The following CDH13 variants were observed in gnomAD, a reference collection of about 807,000 sequenced individuals.
CDH13 encodes the protein cadherin-13.
In CDH13, 24 loss-of-function variants were observed where a neutral mutation model predicts 63.8. The observed-to-expected ratio is 0.38, with a 90% CI of 0.27 to 0.53. CDH13 has a LOEUF of 0.53. Among genes scored for constraint, CDH13 ranks in the 20% least tolerant of loss-of-function variants. The pLI, the probability that CDH13 is intolerant of heterozygous loss-of-function variation, is 0.85. For synonymous variants in CDH13, 503 were observed against 355.3 expected (o/e 1.42, Z -4.67); for missense variants, 1,049 against 903.1 (o/e 1.16, Z -2.07).
chr16:83,130,928 C>T (rs2036015474), intron 4 of CDH13, among the ~76,000 whole-genome samples: 2 of 152,266 alleles, frequency 1.3e-5, no homozygotes, highest in Non-Finnish European at 2.9e-5. Flanking sequence ...GGGTTTTTCA[C>T]AACTGGATAT....
chr16:83,690,059 G>C (rs34220847), intron 10 of CDH13, among the ~76,000 whole-genome samples: 1 of 151,516 alleles, frequency 6.6e-6, no homozygotes, highest in Non-Finnish European at 1.5e-5. Context: ...TGTAATCCCA[G>C]CTACTTGGGA....
chr16:82,641,336 T>C (rs1251277515), intron 1 of CDH13, among the ~76,000 whole-genome samples: 55 of 152,208 alleles, frequency 3.6e-4, no homozygotes, highest in Non-Finnish European at 1.2e-4. Context: ...TGGCAAGTTG[T>C]TGGACTGTCA....
At chr16:83,270,776 A>ATTTAC (rs1012266305) in intron 5 of CDH13, among the ~76,000 whole-genome samples, 1 of 151,474 alleles carries the variant, frequency 6.6e-6, no homozygotes, top group Non-Finnish European at 1.5e-5. Flanking sequence ...CATCATTTAC[A>ATTTAC]TTTACAGATT....
At chr16:83,766,742 C>G (rs946921801) in intron 11 of CDH13, among the ~76,000 whole-genome samples, 3 of 152,134 alleles carry the variant, frequency 2.0e-5, no homozygotes, top group Non-Finnish European at 4.4e-5. Flanking sequence ...GTGTCCCCAC[C>G]CAGAATCTCT....
At chr16:82,799,773 T>G (rs1453558637) in intron 1 of CDH13, among the ~76,000 whole-genome samples, 1 of 152,162 alleles carries the variant, frequency 6.6e-6, no homozygotes, top group African/African-American at 2.4e-5. Flanking sequence ...AATGTGGCTA[T>G]GGAATTTGAT....
At chr16:83,323,176 T>C (rs866681143) in intron 5 of CDH13, among the ~76,000 whole-genome samples, 1 of 75,604 alleles carries the variant, frequency 1.3e-5, no homozygotes. Context: ...TCTTTCTTTT[T>C]TCTTTCTTTC....
intron 3 of CDH13, among the ~76,000 whole-genome samples, chr16:83,063,667 C>A (rs971705261): frequency 6.6e-6 from 1 of 152,142 alleles, no homozygotes; most frequent in South Asian, 2.1e-4. Flanking sequence ...ACTCTATGAA[C>A]AAATTAGCAC....
At chr16:83,095,361 C>T (rs997621758) in intron 3 of CDH13, among the ~76,000 whole-genome samples, 6 of 152,050 alleles carry the variant, frequency 3.9e-5, no homozygotes, top group Non-Finnish European at 8.8e-5. Context: ...AATAAAACAA[C>T]AAAAAACTTA....
chr16:82,669,784 G>A (rs940722484), intron 1 of CDH13, among the ~76,000 whole-genome samples: 2 of 152,158 alleles, frequency 1.3e-5, no homozygotes, highest in Non-Finnish European at 2.9e-5. Flanking sequence ...TCTCCAGTGA[G>A]ATATACCCCA....
intron 3 of CDH13, among the ~76,000 whole-genome samples, chr16:83,048,132 A>G (rs2151499302): frequency 6.6e-6 from 1 of 152,354 alleles, no homozygotes; most frequent in African/African-American, 2.4e-5. Context: ...TTCCGCATGC[A>G]GAAATCTAAT....
intron 1 of CDH13, among the ~76,000 whole-genome samples, chr16:82,843,874 C>G (rs895710388): frequency 1.3e-5 from 2 of 152,228 alleles, no homozygotes; most frequent in Admixed American, 1.3e-4. Flanking sequence ...GGCTCTGTGA[C>G]TATGCACCAT....
intron 3 of CDH13, among the ~76,000 whole-genome samples, chr16:83,059,704 A>G (rs937545918): frequency 6.6e-6 from 1 of 150,764 alleles, no homozygotes; most frequent in Non-Finnish European, 1.5e-5. Flanking sequence ...TCTGCAATAG[A>G]GCTTAAAGAC....
intron 1 of CDH13, among the ~76,000 whole-genome samples, chr16:82,630,486 A>G (rs1013919163): frequency 6.6e-6 from 1 of 152,064 alleles, no homozygotes; most frequent in South Asian, 2.1e-4. Context: ...CCCCTTTTCT[A>G]TCTTTAGCCC....
At chr16:83,458,449 A>G (rs942190496) in intron 6 of CDH13, among the ~76,000 whole-genome samples, 4 of 152,122 alleles carry the variant, frequency 2.6e-5, no homozygotes, top group African/African-American at 9.7e-5. Context: ...TCCTTTCCTT[A>G]AATATAACTA....
intron 6 of CDH13, among the ~76,000 whole-genome samples, chr16:83,471,254 A>G (rs2073444455): frequency 6.8e-6 from 1 of 146,812 alleles, no homozygotes; most frequent in Non-Finnish European, 1.5e-5. Context: ...AATGTTTGGG[A>G]CCATTATTTT....
At chr16:83,309,088 T>C (rs956041432) in intron 5 of CDH13, among the ~76,000 whole-genome samples, 10 of 152,170 alleles carry the variant, frequency 6.6e-5, no homozygotes, top group African/African-American at 2.4e-4. Context: ...TGTCCCTCCA[T>C]ATCGTAACTC....
At chr16:83,143,807 C>A (rs767662938) in intron 4 of CDH13, among the ~76,000 whole-genome samples, 6 of 152,076 alleles carry the variant, frequency 3.9e-5, no homozygotes, top group Non-Finnish European at 8.8e-5. Flanking sequence ...TCACCCACTA[C>A]TCCTCTTTGC....
intron 6 of CDH13, among the ~76,000 whole-genome samples, chr16:83,457,162 G>A (rs1053763037): frequency 2.0e-5 from 3 of 152,160 alleles, no homozygotes; most frequent in African/African-American, 4.8e-5. Context: ...TGACCTTGGC[G>A]AGCTCCGCAG....
intron 1 of CDH13, among the ~76,000 whole-genome samples, chr16:82,662,576 A>G (rs911134572): frequency 6.6e-6 from 1 of 152,228 alleles, no homozygotes; most frequent in Non-Finnish European, 1.5e-5. Flanking sequence ...ATCCATCCCC[A>G]CCACTATCAG....
Sources: allele counts gnomAD v4.1 joint callset (sites outside exome capture counted in the v4.1 genomes callset), GRCh38; gene constraint gnomAD v4.1.1; transcripts MANE v1.5; gene names NCBI Gene and HGNC (gene_info 2026-07-23, HGNC 2026-07-21).